Variants in SORCS1 observed in about 807,000 individuals in gnomAD.
The protein encoded by SORCS1 is VPS10 domain-containing receptor SorCS1.
In SORCS1, 60 loss-of-function variants were observed where a neutral mutation model predicts 146.1. That is an observed-to-expected ratio of 0.41 (90% CI 0.33 to 0.51). The LOEUF is 0.51. Ranked by LOEUF, SORCS1 falls within the 20% of genes least tolerant of loss-of-function variation. The probability of loss-of-function intolerance (pLI) is 0.21; values close to 1 mark genes in which losing one functional copy is unlikely to be tolerated. For missense variants in SORCS1, 1,352 were observed against 1,487.6 expected (o/e 0.91, Z 1.50); for synonymous variants, 637 against 584.0 (o/e 1.09, Z -1.31).
chr10:106,596,728 A>G (rs942205006), intron 24 of SORCS1, among the ~76,000 whole-genome samples: 1 of 152,226 alleles, frequency 6.6e-6, no homozygotes, highest in Non-Finnish European at 1.5e-5. Context: ...ATATGTTGAA[A>G]ATAAGACTTT....
intron 2 of SORCS1, among the ~76,000 whole-genome samples, chr10:106,935,100 GAAAAT>G (rs146764672): frequency 0.021 from 3,218 of 152,030 alleles, 86 homozygotes; most frequent in South Asian, 0.11. Context: ...AAAAAGAAAA[GAAAAT>G]AATTTTTGGA....
chr10:107,146,286 A>C (rs758277479), intron 1 of SORCS1, among the ~76,000 whole-genome samples: 1 of 151,782 alleles, frequency 6.6e-6, no homozygotes, highest in Non-Finnish European at 1.5e-5. Flanking sequence ...ATTTCTGTAA[A>C]TGCATTTTTT....
intron 10 of SORCS1, among the ~76,000 whole-genome samples, chr10:106,685,902 A>C (rs2135605703): frequency 6.6e-6 from 1 of 152,374 alleles, no homozygotes; most frequent in Non-Finnish European, 1.5e-5. Context: ...TCTGATATAT[A>C]GTAAAATAAA....
chr10:106,797,608 G>A (rs560619615), intron 3 of SORCS1, among the ~76,000 whole-genome samples: 2 of 152,128 alleles, frequency 1.3e-5, no homozygotes, highest in East Asian at 3.9e-4. Flanking sequence ...AACCAGGTCT[G>A]CTGAAAAACA....
rs1353917127 is a variant in SORCS1, at chr10:107,060,645, T to C, written c.558+103324A>G. On this transcript the variant is annotated intron_variant, in intron 1 of 25. Transcript: ENST00000263054. The surrounding 1 kb of genome is among the most constrained non-coding windows in gnomAD (Gnocchi z 4.1). ...TTTGCCAACAACCCTTTTCCCTTAC[T>C]TTGTGATATTTGTGACCATGAGTCC... Among the ~76,000 whole-genome samples, 1 of 152,158 alleles carries C rather than the reference T, an allele frequency of 6.6e-6. No homozygotes were observed. The highest frequency in any genetic ancestry group is 2.4e-5 in the African/African-American group (1 of 41,438).
At chr10:106,661,835 C>T (rs1346393145) in intron 17 of SORCS1, among the ~76,000 whole-genome samples, 1 of 152,232 alleles carries the variant, frequency 6.6e-6, no homozygotes, top group African/African-American at 2.4e-5. Flanking sequence ...CTCTCAATCC[C>T]TAACAGGCTA....
chr10:106,929,773 GCACA>G lies in SORCS1; in HGVS notation c.626+26736_626+26739del, dbSNP rs36086801. On this transcript the variant is annotated intron_variant, in intron 2 of 25. Coordinates refer to ENST00000263054, the MANE Select transcript of SORCS1 (RefSeq NM_052918.5). ...TGTGAGGGCACAGGCATGTGCACGT[GCACA>G]CACACACACACACACACACACGTAT... Among the ~76,000 whole-genome samples, 350 of 150,110 alleles carry G rather than the reference GCACA, an allele frequency of 2.3e-3. 1 individual carries two copies. The highest frequency in any genetic ancestry group is 2.6e-3 in the Non-Finnish European group (173 of 67,328).
Position 106,738,970 on chromosome 10 carries a change from G to A in SORCS1, c.960-8856C>T, listed in dbSNP as rs560518188. Among the ~76,000 whole-genome samples the A allele has an allele frequency of 2.6e-5, 4 of 152,298 alleles. No homozygotes were observed. The South Asian group carries it at 8.3e-4, about 32-fold the overall frequency. On this transcript the variant is annotated intron_variant, in intron 5 of 25. Transcript: ENST00000263054. ...CCCAAAGTTCTGAGATGACAGGCGTGAGCCGCTGTGGCCAGCCAGGGATTG... is the reference window on the plus strand; with the variant it reads ...CCCAAAGTTCTGAGATGACAGGCGTAAGCCGCTGTGGCCAGCCAGGGATTG...
intron 18 of SORCS1, among the ~76,000 whole-genome samples, chr10:106,636,534 T>A (rs1848733303): frequency 6.6e-6 from 1 of 152,058 alleles, no homozygotes; most frequent in Non-Finnish European, 1.5e-5. Flanking sequence ...ACAATCATAG[T>A]GGAAGGGAAA....
chr10:106,810,665 C>A (rs186465584), intron 3 of SORCS1, among the ~76,000 whole-genome samples: 1 of 152,170 alleles, frequency 6.6e-6, no homozygotes. Flanking sequence ...GCATTCTATG[C>A]CATGAAGTAA....
intron 21 of SORCS1, among the ~76,000 whole-genome samples, chr10:106,616,950 TTCTTTTTTTTTTTTTTC>T (rs1456697732): frequency 2.2e-3 from 3 of 1,366 alleles, no homozygotes; most frequent in Admixed American, 0.01. Context: ...CTCTTGCTCT[TTCTTTTTTTTTTTTTTC>T]TTTCGAGATG....
At chr10:106,634,419 T>G (rs916663742) in intron 18 of SORCS1, among the ~76,000 whole-genome samples, 6 of 152,228 alleles carry the variant, frequency 3.9e-5, no homozygotes, top group Non-Finnish European at 5.9e-5. Flanking sequence ...GGACAGATGT[T>G]ATTTATGTTT....
chr10:106,818,735 T>A (rs1164660223), intron 3 of SORCS1, among the ~76,000 whole-genome samples: 1 of 152,214 alleles, frequency 6.6e-6, no homozygotes, highest in Admixed American at 6.5e-5. Context: ...CTCTTAATCA[T>A]TTAAATCTGA....
At chr10:106,954,144 G>T (rs1255589527) in intron 2 of SORCS1, among the ~76,000 whole-genome samples, 1 of 152,234 alleles carries the variant, frequency 6.6e-6, no homozygotes, top group Non-Finnish European at 1.5e-5. Flanking sequence ...CTCAGGCCCT[G>T]CAGGCATGTT....
At chr10:106,783,395 T>C (rs1861044596) in intron 3 of SORCS1, among the ~76,000 whole-genome samples, 1 of 152,226 alleles carries the variant, frequency 6.6e-6, no homozygotes, top group Non-Finnish European at 1.5e-5. Context: ...CAGATAAGAT[T>C]ATCTGTGCAA....
At chr10:106,970,548 G>T (rs1156865090) in intron 1 of SORCS1, among the ~76,000 whole-genome samples, 5 of 151,826 alleles carry the variant, frequency 3.3e-5, no homozygotes, top group Non-Finnish European at 7.4e-5. Flanking sequence ...CGCCATGTTG[G>T]CCAGGCTGGT....
At chr10:106,869,988 G>A (rs1212154506) in intron 2 of SORCS1, among the ~76,000 whole-genome samples, 1 of 151,900 alleles carries the variant, frequency 6.6e-6, no homozygotes, top group African/African-American at 2.4e-5. Context: ...AACAACTTCA[G>A]CAAAGTTTCA....
At position 106,661,022 on chromosome 10, in the gene SORCS1, C is replaced by T. The variant is rs114557464; in HGVS notation, c.2303+6667G>A. Reference sequence around the variant, plus strand: ...TTTATATTTACAGAATCTTTTACCACTGGCATGAAACAAGTAACATGCTAG... The same window carrying T: ...TTTATATTTACAGAATCTTTTACCATTGGCATGAAACAAGTAACATGCTAG... On this transcript the variant is annotated intron_variant, in intron 17 of 25. Coordinates refer to ENST00000263054, the MANE Select transcript of SORCS1 (RefSeq NM_052918.5). Among the ~76,000 whole-genome samples, 1,447 of 152,302 alleles carry T rather than the reference C, an allele frequency of 9.5e-3. 28 individuals are homozygous for T. The highest frequency in any genetic ancestry group is 0.032 in the African/African-American group (1,342 of 41,556).
intron 1 of SORCS1, among the ~76,000 whole-genome samples, chr10:107,100,933 T>C (rs7902078): frequency 0.61 from 92,491 of 152,138 alleles, 29,878 homozygotes; most frequent in African/African-American, 0.81. Context: ...TGCTCTGCAA[T>C]GCAGGCTGCA....
Sources: gnomAD v4.1 joint callset for allele counts (sites outside exome capture counted in the v4.1 genomes callset) on GRCh38, gnomAD v4.1.1 for gene constraint, Gnocchi (gnomAD v3.1) non-coding constraint, MANE v1.5 for transcripts, NCBI Gene and HGNC (gene_info 2026-07-23, HGNC 2026-07-21) for gene names.